TMPRSS7: variants seen among roughly 807,000 people sequenced by gnomAD.
TMPRSS7 encodes the protein transmembrane serine protease 7, also known as transmembrane protease serine 7.
A neutral mutation model predicts 95.6 loss-of-function variants in TMPRSS7; 81 were observed. That is an observed-to-expected ratio of 0.85 (90% CI 0.71 to 1.02). The LOEUF (loss-of-function observed/expected upper bound fraction) is 1.02. Among genes scored for constraint, TMPRSS7 ranks in the 50% least tolerant of loss-of-function variants. The pLI, the probability that TMPRSS7 is intolerant of heterozygous loss-of-function variation, is 0.00. For synonymous variants in TMPRSS7, 364 were observed against 337.8 expected (o/e 1.08, Z -0.85); for missense variants, 945 against 955.2 (o/e 0.99, Z 0.14).
rs1301882585 is a variant in TMPRSS7 at position 112,034,907 on chromosome 3, G to A, written c.48+14G>A. ...GCTGACCTGAAAGTAAGTACAGGGTGAGAAACTTTCTCTTACTTGAATGCC... is the reference window on the plus strand; with the variant it reads ...GCTGACCTGAAAGTAAGTACAGGGTAAGAAACTTTCTCTTACTTGAATGCC... On this transcript the variant is annotated intron_variant, in intron 1 of 17. Coordinates refer to ENST00000452346, the Ensembl canonical transcript of TMPRSS7. The A allele has an allele frequency of 7.1e-6, 5 of 702,752 alleles. No homozygotes were observed. Among genetic ancestry groups the A allele is most frequent in the South Asian group, 4.4e-5 (3 of 67,574 alleles). The allele number at this position is 702,752 out of a possible 1,614,324, so 43.5% of individuals were successfully genotyped here. A position where few individuals can be genotyped will look rare whatever the true frequency, so the allele number is the denominator to read the frequency against.
chr3:112,056,288 T>C (rs1416408549), intron 9 of TMPRSS7, among the ~76,000 whole-genome samples: 1 of 152,192 alleles, frequency 6.6e-6, no homozygotes, highest in Non-Finnish European at 1.5e-5. Flanking sequence ...AATGATACTC[T>C]TATTCAACTA....
intron 1 of TMPRSS7, among the ~76,000 whole-genome samples, chr3:112,037,733 CT>C (rs2073161111): frequency 6.6e-6 from 1 of 152,156 alleles, no homozygotes. Context: ...TTTAAAATTT[CT>C]CTCTTTTGTA....
intron 2 of TMPRSS7, among the ~76,000 whole-genome samples, chr3:112,041,077 C>CAAA (rs35859400): frequency 2.4e-4 from 29 of 123,028 alleles, no homozygotes; most frequent in African/African-American, 7.3e-4. Context: ...AGTCTGCAAC[C>CAAA]AAAAAAAAAA....
intron 9 of TMPRSS7, among the ~76,000 whole-genome samples, chr3:112,054,078 G>C (rs921467904): frequency 9.2e-5 from 14 of 152,300 alleles, no homozygotes; most frequent in African/African-American, 3.4e-4. Context: ...TTCCCCAGAA[G>C]GGAGCTCCAT....
chr3:112,042,663 C>T (rs541825822), intron 3 of TMPRSS7, among the ~76,000 whole-genome samples: 2 of 152,242 alleles, frequency 1.3e-5, no homozygotes, highest in South Asian at 2.1e-4. Flanking sequence ...CTTCTATGCA[C>T]GTAAATCTTC....
intron 3 of TMPRSS7, among the ~76,000 whole-genome samples, chr3:112,042,514 C>G (rs1452729388): frequency 6.6e-6 from 1 of 152,122 alleles, no homozygotes; most frequent in Non-Finnish European, 1.5e-5. Context: ...GTTTTAAAAA[C>G]TAACATCTTC....
rs10546402 is a variant in TMPRSS7 at position 112,051,625 on chromosome 3, C to CATCTATCT, written c.1203+878_1203+885dup. 3.9e-3 allele frequency among the ~76,000 whole-genome samples: 553 copies of CATCTATCT among 142,544 alleles called. 1 individual carries two copies. The highest frequency in any genetic ancestry group is 9.4e-3 in the African/African-American group (354 of 37,552). The allele number at this position is 142,544 out of a possible 152,430, so 93.5% of individuals were successfully genotyped here. On this transcript the variant is annotated intron_variant, in intron 9 of 17. Coordinates refer to ENST00000452346, the Ensembl canonical transcript of TMPRSS7. ...ATCTCTATTATCTATCTATCTCTAT[C>CATCTATCT]ATCTATCTATCTATCTATCTATCTA...
At chr3:112,042,326 G>A (rs1210762389) in intron 3 of TMPRSS7, among the ~76,000 whole-genome samples, 1 of 152,092 alleles carries the variant, frequency 6.6e-6, no homozygotes, top group African/African-American at 2.4e-5. Context: ...ATTGGAATCA[G>A]ATGACCTTTA....
chr3:112,074,877 T>C (rs951715025), intron 14 of TMPRSS7, among the ~76,000 whole-genome samples: 3 of 152,256 alleles, frequency 2.0e-5, no homozygotes, highest in African/African-American at 7.2e-5. Context: ...TCTTTACCAA[T>C]ACTATTTACA....
At chr3:112,079,558 A>G (rs1200751979) in intron 17 of TMPRSS7, among the ~76,000 whole-genome samples, 1 of 152,124 alleles carries the variant, frequency 6.6e-6, no homozygotes, top group African/African-American at 2.4e-5. Context: ...CTCATTAGTT[A>G]TCATTAGTGT....
chr3:112,036,111 A>G (rs1341171523), intron 1 of TMPRSS7, among the ~76,000 whole-genome samples: 1 of 152,114 alleles, frequency 6.6e-6, no homozygotes, highest in African/African-American at 2.4e-5. Context: ...TATCACCTTT[A>G]CTTTTCCTTC....
chr3:112,080,962 T>A, exon 18 of TMPRSS7: 1 of 1,613,512 alleles, frequency 6.2e-7, no homozygotes. Context: ...TGATGGAAAA[T>A]GGATTTTGAC....
chr3:112,054,430 CTCTG>C (rs1216528255), intron 9 of TMPRSS7, among the ~76,000 whole-genome samples: 1 of 152,184 alleles, frequency 6.6e-6, no homozygotes, highest in Non-Finnish European at 1.5e-5. Flanking sequence ...AATGTCACCC[CTCTG>C]TCTGTCAAGC....
chr3:112,054,729 C>CTTTTTTTTTT (rs1161735611), intron 9 of TMPRSS7, among the ~76,000 whole-genome samples: 583 of 49,028 alleles, frequency 0.012, 223 homozygotes, highest in Middle Eastern at 0.045. Flanking sequence ...TCTCAGTTTG[C>CTTTTTTTTTT]TTTTTTTTTT....
At chr3:112,038,436 A>G in intron 2 of TMPRSS7, 115 bp downstream of exon 2, 1 of 610,998 alleles carries the variant, frequency 1.6e-6, no homozygotes, top group Non-Finnish European at 2.9e-6. Context: ...TTTTTCCAAT[A>G]TGGATACACC....
chr3:112,038,350 G>A (rs767168930), intron 2 of TMPRSS7, 29 bp downstream of exon 2: 1 of 696,790 alleles, frequency 1.4e-6, no homozygotes. Context: ...TTTCTTTGGG[G>A]TTAGGGCTTA....
chr3:112,074,336 T>C, exon 14 of TMPRSS7: 1 of 1,614,128 alleles, frequency 6.2e-7, no homozygotes, highest in Non-Finnish European at 8.5e-7. Flanking sequence ...GTGGCAATGA[T>C]ATTTGCTTTA....
intron 12 of TMPRSS7, among the ~76,000 whole-genome samples, chr3:112,064,151 A>G (rs2073546581): frequency 6.6e-6 from 1 of 152,110 alleles, no homozygotes; most frequent in African/African-American, 2.4e-5. Flanking sequence ...TAATACTACC[A>G]CGGGGAGTAA....
chr3:112,063,598 T>C (rs1460125244), exon 12 of TMPRSS7: 1 of 1,614,120 alleles, frequency 6.2e-7, no homozygotes, highest in South Asian at 1.1e-5. Context: ...ATGGAGTAAA[T>C]GACTGCTTTG....
Sources: allele counts gnomAD v4.1 joint callset (sites outside exome capture counted in the v4.1 genomes callset), GRCh38; gene constraint gnomAD v4.1.1; transcripts MANE v1.5; gene names NCBI Gene and HGNC (gene_info 2026-07-23, HGNC 2026-07-21).